Variants in STX8 observed in about 807,000 individuals in gnomAD.
The protein encoded by STX8 is syntaxin-8.
A neutral mutation model predicts 37.5 loss-of-function variants in STX8; 23 were observed. The observed-to-expected ratio is 0.61, with a 90% confidence interval of 0.44 to 0.87. STX8 has a LOEUF of 0.87. Ranked by LOEUF, STX8 falls within the 40% of genes least tolerant of loss-of-function variation. The probability of loss-of-function intolerance (pLI) is 0.00; values close to 1 mark genes in which losing one functional copy is unlikely to be tolerated. For synonymous variants in STX8, 115 were observed against 99.1 expected, an observed-to-expected ratio of 1.16 and a Z score of -0.95; for missense variants, 313 against 284.7, an observed-to-expected ratio of 1.10 and a Z score of -0.71.
At chr17:9,277,148 C>T (rs573473101) in intron 7 of STX8, among the ~76,000 whole-genome samples, 14 of 152,250 alleles carry the variant, frequency 9.2e-5, no homozygotes, top group African/African-American at 2.9e-4. Flanking sequence ...TATTTCAAAT[C>T]TAGAGTTTAC....
intron 7 of STX8, among the ~76,000 whole-genome samples, chr17:9,282,574 G>T (rs1256712554): frequency 6.6e-6 from 1 of 152,214 alleles, no homozygotes; most frequent in Non-Finnish European, 1.5e-5. Context: ...GGTGCAACTG[G>T]AAGCTATCCT....
intron 6 of STX8, among the ~76,000 whole-genome samples, chr17:9,396,157 T>C (rs1293935124): frequency 1.3e-5 from 2 of 152,160 alleles, no homozygotes; most frequent in Admixed American, 1.3e-4. Flanking sequence ...ATCCTGATGA[T>C]AATGTGCTCA....
At chr17:9,300,862 TCTCA>T (rs374284149) in intron 7 of STX8, among the ~76,000 whole-genome samples, 2,169 of 116,994 alleles carry the variant, frequency 0.019, 25 homozygotes, top group Admixed American at 0.03. Context: ...TGAGACGGAG[TCTCA>T]CTGTCACCCA....
chr17:9,278,633 G>C (rs1907767365), intron 7 of STX8, among the ~76,000 whole-genome samples: 1 of 152,014 alleles, frequency 6.6e-6, no homozygotes, highest in Admixed American at 6.6e-5. Flanking sequence ...TGCTGCAGAG[G>C]GATTTAAGCT....
intron 6 of STX8, among the ~76,000 whole-genome samples, chr17:9,397,463 A>G (rs949471430): frequency 6.6e-6 from 1 of 152,168 alleles, no homozygotes; most frequent in Non-Finnish European, 1.5e-5. Context: ...CCAAACTCTC[A>G]CTGTTGGAAT....
chr17:9,570,979 G>A (rs7406155), intron 1 of STX8, among the ~76,000 whole-genome samples: 105,777 of 152,096 alleles, frequency 0.7, 38,933 homozygotes, highest in East Asian at 0.98. Context: ...AAACGTGCCC[G>A]GCACATTTGG....
intron 7 of STX8, among the ~76,000 whole-genome samples, chr17:9,332,494 T>C (rs573842282): frequency 3.2e-4 from 48 of 152,344 alleles, no homozygotes; most frequent in Non-Finnish European, 2.9e-4. Context: ...AGATCTGTAA[T>C]GACATTTCAC....
chr17:9,544,033 C>T (rs4791851), intron 4 of STX8, among the ~76,000 whole-genome samples: 26,539 of 152,108 alleles, frequency 0.17, 2,455 homozygotes, highest in Middle Eastern at 0.24. Context: ...CCCTCTGCCC[C>T]TCCACCGCAA....
chr17:9,318,278 C>A (rs912138694), intron 7 of STX8, among the ~76,000 whole-genome samples: 12 of 151,856 alleles, frequency 7.9e-5, no homozygotes, highest in South Asian at 6.3e-4. Flanking sequence ...CCCAGCCCCC[C>A]ACCCACCAAC....
chr17:9,568,531 C>T (rs1205324553), intron 1 of STX8, 61 bp from the exon 2 acceptor site: 15 of 1,410,462 alleles, frequency 1.1e-5, no homozygotes, highest in East Asian at 7.3e-5. Flanking sequence ...GACGGAGTCT[C>T]GCTCTGTCGC....
At chr17:9,354,087 A>G (rs144583355) in intron 7 of STX8, among the ~76,000 whole-genome samples, 99 of 152,154 alleles carry the variant, frequency 6.5e-4, no homozygotes, top group Non-Finnish European at 1.2e-3. Context: ...AATTCCATCA[A>G]TTTTAAATAT....
chr17:9,414,456 A>G (rs971135751), intron 6 of STX8, among the ~76,000 whole-genome samples: 4 of 152,166 alleles, frequency 2.6e-5, no homozygotes, highest in Non-Finnish European at 5.9e-5. Flanking sequence ...AATGTTATAA[A>G]AGTCTGAATT....
At position 9,364,051 on chromosome 17, in the gene STX8, A is replaced by G. The variant is rs543205800; in HGVS notation, c.643+14501T>C. Among the ~76,000 whole-genome samples the G allele has an allele frequency of 1.6e-3, 248 of 152,192 alleles. 5 individuals carry two copies. The highest frequency in any genetic ancestry group is 8.1e-4 in the Non-Finnish European group (55 of 68,026). Reference sequence around the variant, plus strand: ...AAAAACAGGCTTTTCCACAGTAGGAACTCAAAATCAAAGCAGACAACATTG... The same window carrying G: ...AAAAACAGGCTTTTCCACAGTAGGAGCTCAAAATCAAAGCAGACAACATTG... On this transcript the variant is annotated intron_variant, in intron 7 of 7. Coordinates refer to ENST00000306357, the MANE Select transcript of STX8 (RefSeq NM_004853.3).
chr17:9,543,477 T>A (rs1906369868), intron 4 of STX8, among the ~76,000 whole-genome samples: 1 of 152,074 alleles, frequency 6.6e-6, no homozygotes, highest in Admixed American at 6.6e-5. Context: ...TTGTTGTTGT[T>A]GTATTTTAGT....
At position 9,317,683 on chromosome 17, in the gene STX8, G is replaced by A. The variant is rs1043043486; in HGVS notation, c.643+60869C>T. Among the ~76,000 whole-genome samples, 5 of 151,626 alleles carry A rather than the reference G, an allele frequency of 3.3e-5. No homozygotes were observed. The East Asian group carries it at 5.8e-4, about 18-fold the overall frequency. ...TGGGAGGCTGAGGCAGGAGAATGTC[G>A]TGAACCCGGGAGGTGGAGCTTGCAG... On this transcript the variant is annotated intron_variant, in intron 7 of 7. Coordinates refer to ENST00000306357, the MANE Select transcript of STX8 (RefSeq NM_004853.3).
At chr17:9,336,003 A>C (rs912951338) in intron 7 of STX8, among the ~76,000 whole-genome samples, 1 of 152,182 alleles carries the variant, frequency 6.6e-6, no homozygotes, top group Non-Finnish European at 1.5e-5. Context: ...TCTCTTTCTT[A>C]GCTTGAAGCA....
At chr17:9,333,554 A>G (rs140645263) in intron 7 of STX8, among the ~76,000 whole-genome samples, 44 of 151,760 alleles carry the variant, frequency 2.9e-4, no homozygotes, top group African/African-American at 1.0e-3. Context: ...CGCCCAGCTA[A>G]TATTTTGTAT....
chr17:9,364,781 G>A (rs746496973), intron 7 of STX8, among the ~76,000 whole-genome samples: 4 of 152,112 alleles, frequency 2.6e-5, no homozygotes, highest in East Asian at 1.9e-4. Context: ...TGATCCACCC[G>A]CCTCGGCCTC....
At chr17:9,448,854 C>A (rs969575485) in intron 6 of STX8, among the ~76,000 whole-genome samples, 2 of 151,998 alleles carry the variant, frequency 1.3e-5, no homozygotes, top group African/African-American at 4.8e-5. Context: ...GACCTTAATA[C>A]AAAATTTTTG....
Sources: gnomAD v4.1 joint callset for allele counts (sites outside exome capture counted in the v4.1 genomes callset) on GRCh38, gnomAD v4.1.1 for gene constraint, MANE v1.5 for transcripts, NCBI Gene and HGNC (gene_info 2026-07-23, HGNC 2026-07-21) for gene names.